The following CNBD1 variants were observed in gnomAD, a reference collection of about 807,000 sequenced individuals.
The protein encoded by CNBD1 is cyclic nucleotide binding domain containing 1.
A neutral mutation model predicts 54.4 loss-of-function variants in CNBD1; 71 were observed. The observed-to-expected ratio is 1.30, with a 90% CI of 1.08 to 1.59. CNBD1 has a LOEUF of 1.59. Ranked by LOEUF, CNBD1 falls within the 40% of genes most tolerant of loss-of-function variation. The probability of loss-of-function intolerance (pLI) is 0.00; values close to 1 mark genes in which losing one functional copy is unlikely to be tolerated. For missense variants in CNBD1, 659 were observed against 518.0 expected, an observed-to-expected ratio of 1.27 and a Z score of -2.64; for synonymous variants, 182 against 170.7, an observed-to-expected ratio of 1.07 and a Z score of -0.51.
intron 4 of CNBD1, among the ~76,000 whole-genome samples, chr8:87,043,298 C>T (rs1039204852): frequency 3.9e-5 from 6 of 152,156 alleles, no homozygotes; most frequent in African/African-American, 1.4e-4. Flanking sequence ...CTCATAGTTG[C>T]TTACTCATCA....
chr8:87,386,983 A>T (rs949474844), downstream of CNBD1, among the ~76,000 whole-genome samples: 3 of 152,356 alleles, frequency 2.0e-5, no homozygotes, highest in Non-Finnish European at 2.9e-5. Flanking sequence ...TTTTCAACCC[A>T]GTATTTTATA....
intron 4 of CNBD1, among the ~76,000 whole-genome samples, chr8:87,031,397 T>A (rs551423568): frequency 5.8e-4 from 89 of 152,172 alleles, no homozygotes; most frequent in Non-Finnish European, 1.1e-3. Context: ...TCAGTGGAGT[T>A]GTTGCTACAC....
At chr8:87,108,442 A>G (rs539285622) in intron 4 of CNBD1, among the ~76,000 whole-genome samples, 1 of 152,186 alleles carries the variant, frequency 6.6e-6, no homozygotes, top group Non-Finnish European at 1.5e-5. Flanking sequence ...TTTAAAGTAT[A>G]CAAGTTACTA....
intron 8 of CNBD1, among the ~76,000 whole-genome samples, chr8:87,328,186 C>G (rs894286886): frequency 4.6e-5 from 7 of 151,948 alleles, no homozygotes; most frequent in Non-Finnish European, 1.0e-4. Flanking sequence ...CTCCCTGTGT[C>G]CATTGTTCGA....
rs546072422 is a variant in CNBD1, at chr8:87,285,326, G to A, written c.909+511G>A. ...ACTTATTCTGATTCCCTAATTCTGC[G>A]TTTTTAAGATAACTTCATTTACTTA... On this transcript the variant is annotated intron_variant, in intron 7 of 10. Coordinates refer to ENST00000518476, the MANE Select transcript of CNBD1 (RefSeq NM_173538.3). 2.6e-5 allele frequency among the ~76,000 whole-genome samples: 4 copies of A among 152,222 alleles called. No individual in the cohort carries two copies. In the South Asian group the frequency reaches 8.3e-4, roughly 32 times the overall value.
At chr8:87,191,835 C>T (rs2072784179) in intron 4 of CNBD1, among the ~76,000 whole-genome samples, 2 of 152,232 alleles carry the variant, frequency 1.3e-5, no homozygotes, top group Middle Eastern at 3.4e-3. Flanking sequence ...CGTTTGGGCA[C>T]AGAAGTGGCA....
At chr8:87,349,722 G>A (rs1032053150) in intron 8 of CNBD1, among the ~76,000 whole-genome samples, 1 of 152,104 alleles carries the variant, frequency 6.6e-6, no homozygotes, top group Admixed American at 6.6e-5. Flanking sequence ...TTTTGCCTAG[G>A]TCAGGAGGGT....
At chr8:87,120,899 C>A (rs917927673) in intron 4 of CNBD1, among the ~76,000 whole-genome samples, 5 of 152,066 alleles carry the variant, frequency 3.3e-5, no homozygotes, top group African/African-American at 1.2e-4. Flanking sequence ...CAGGTTTTAG[C>A]ATCAGATTTG....
chr8:87,377,248 C>T (rs1046130026), intron 10 of CNBD1, among the ~76,000 whole-genome samples: 9 of 151,044 alleles, frequency 6.0e-5, no homozygotes, highest in African/African-American at 2.2e-4. Flanking sequence ...GTGCGCTGCA[C>T]CCACTAACTC....
At chr8:87,341,683 C>G (rs566621887) in intron 8 of CNBD1, among the ~76,000 whole-genome samples, 1 of 152,188 alleles carries the variant, frequency 6.6e-6, no homozygotes, top group Non-Finnish European at 1.5e-5. Flanking sequence ...TCTCTCTTTT[C>G]CTTTTGCTCT....
At chr8:87,115,674 G>A (rs1811752968) in intron 4 of CNBD1, among the ~76,000 whole-genome samples, 1 of 152,156 alleles carries the variant, frequency 6.6e-6, no homozygotes, top group Non-Finnish European at 1.5e-5. Context: ...TTGTGGTGTA[G>A]ACACTTAGAA....
chr8:87,211,124 G>T (rs1814088446), intron 5 of CNBD1, among the ~76,000 whole-genome samples: 2 of 152,232 alleles, frequency 1.3e-5, no homozygotes, highest in African/African-American at 2.4e-5. Flanking sequence ...TGAGTTTTAA[G>T]ACTTAAGCCT....
intron 4 of CNBD1, among the ~76,000 whole-genome samples, chr8:87,000,686 T>A (rs1488377339): frequency 6.6e-6 from 1 of 152,196 alleles, no homozygotes; most frequent in Non-Finnish European, 1.5e-5. Context: ...TTGAATAGCA[T>A]CTTAGCTAGA....
intron 4 of CNBD1, among the ~76,000 whole-genome samples, chr8:87,144,063 G>T (rs911633479): frequency 1.3e-5 from 2 of 152,124 alleles, no homozygotes; most frequent in African/African-American, 2.4e-5. Context: ...AAAGCAGTTT[G>T]TTCTGAAGGA....
intron 8 of CNBD1, among the ~76,000 whole-genome samples, chr8:87,327,342 C>G (rs1446896577): frequency 5.3e-5 from 8 of 150,602 alleles, no homozygotes; most frequent in Admixed American, 1.3e-4. Flanking sequence ...CCAGTTCGAG[C>G]TTCCCGGCTG....
chr8:87,364,755 G>A (rs182174867), intron 10 of CNBD1, among the ~76,000 whole-genome samples: 3 of 151,936 alleles, frequency 2.0e-5, no homozygotes, highest in African/African-American at 4.8e-5. Context: ...TTGGTTTTCT[G>A]TTCCTGCATT....
At chr8:87,007,704 T>C (rs950049436) in intron 4 of CNBD1, among the ~76,000 whole-genome samples, 47 of 152,172 alleles carry the variant, frequency 3.1e-4, no homozygotes, top group African/African-American at 1.1e-3. Context: ...ACAAATGTAT[T>C]TTAGATAACA....
At chr8:87,337,382 G>C (rs925082468) in intron 8 of CNBD1, among the ~76,000 whole-genome samples, 1 of 152,180 alleles carries the variant, frequency 6.6e-6, no homozygotes, top group Non-Finnish European at 1.5e-5. Flanking sequence ...TCAGAGTTCT[G>C]TCCCTGAGCT....
At chr8:86,944,358 C>G (rs1807415040) in intron 4 of CNBD1, among the ~76,000 whole-genome samples, 1 of 152,086 alleles carries the variant, frequency 6.6e-6, no homozygotes, top group South Asian at 2.1e-4. Context: ...AGCTTACATT[C>G]TAATGTAAGA....
Sources: allele counts gnomAD v4.1 joint callset (sites outside exome capture counted in the v4.1 genomes callset), GRCh38; gene constraint gnomAD v4.1.1; transcripts MANE v1.5; gene names NCBI Gene and HGNC (gene_info 2026-07-23, HGNC 2026-07-21).